The following DDX4 variants were observed in gnomAD, a reference collection of about 807,000 sequenced individuals.
DDX4 encodes DEAD-box helicase 4, also known as probable ATP-dependent RNA helicase DDX4.
Under a neutral mutation model 100.0 loss-of-function variants are expected in DDX4, and 25 were observed. The observed-to-expected ratio is 0.25, with a 90% CI of 0.18 to 0.35. DDX4 has a LOEUF of 0.35. DDX4 is among the 10% of genes least tolerant of loss of function. The probability of loss-of-function intolerance (pLI) is 1.00; values close to 1 mark genes in which losing one functional copy is unlikely to be tolerated. For missense variants in DDX4, 635 were observed against 882.4 expected, an observed-to-expected ratio of 0.72 and a Z score of 3.55; for synonymous variants, 259 against 275.7, an observed-to-expected ratio of 0.94 and a Z score of 0.60.
intron 10 of DDX4, among the ~76,000 whole-genome samples, chr5:55,784,433 T>C (rs1742119923): frequency 6.6e-6 from 1 of 152,176 alleles, no homozygotes; most frequent in Non-Finnish European, 1.5e-5. Flanking sequence ...TGCCAGTCTA[T>C]TCTAAAACAC....
intron 18 of DDX4, among the ~76,000 whole-genome samples, chr5:55,803,553 C>T (rs908700451): frequency 6.9e-6 from 1 of 143,936 alleles, no homozygotes; most frequent in African/African-American, 2.6e-5. Flanking sequence ...TCAATTCCCA[C>T]CTATGAGTGA....
chr5:55,746,495 C>T (rs1759255710), intron 3 of DDX4, among the ~76,000 whole-genome samples: 1 of 148,746 alleles, frequency 6.7e-6, no homozygotes, highest in Non-Finnish European at 1.5e-5. Context: ...GCTGCTAGGG[C>T]ATCATCATCA....
chr5:55,781,884 G>T, intron 9 of DDX4, 50 bp from the exon 10 acceptor site: 2 of 1,597,950 alleles, frequency 1.3e-6, no homozygotes, highest in South Asian at 2.2e-5. Flanking sequence ...TTGTGTGCTT[G>T]AGCAGCAGCT....
intron 18 of DDX4, among the ~76,000 whole-genome samples, chr5:55,811,545 A>G (rs1744123179): frequency 6.6e-6 from 1 of 152,200 alleles, no homozygotes; most frequent in Non-Finnish European, 1.5e-5. Context: ...TTTAAAGGTA[A>G]CACTGACCAA....
rs372545410 is a variant in DDX4 at position 55,817,028 on chromosome 5, T to G, written c.*488T>G. 1 of 152,750 alleles carries G rather than the reference T, an allele frequency of 6.5e-6. No homozygotes were observed. 9.5% of individuals were successfully genotyped at this position (152,750 alleles called of 1,614,324 possible). ...TGATTTTGATTTTTAGATCATCAGA[T>G]GTATGATGAAAATGGTTAAATGTTT... On this transcript the variant is annotated 3_prime_UTR_variant, in exon 22 of 22. Coordinates refer to ENST00000505374, the MANE Select transcript of DDX4 (RefSeq NM_024415.3).
chr5:55,764,062 G>C lies in DDX4; in HGVS notation c.332G>C (p.Arg111Thr). The C allele has an allele frequency of 6.2e-7, 1 of 1,606,110 alleles. No homozygotes were observed. Among genetic ancestry groups the C allele is most frequent in the Non-Finnish European group, 8.5e-7 (1 of 1,173,140 alleles). Residue 111 changes from arginine to threonine, a missense_variant and splice_region_variant, in exon 6 of 22, where the codon AGA becomes ACA. Physicochemically the swap from Arg to Thr is moderately conservative, Grantham distance 71 (BLOSUM62 -1). This residue lies in a region of DDX4 where 446 missense variants were observed against 540.8 expected (regional missense o/e 0.82). Coordinates refer to ENST00000505374, the MANE Select transcript of DDX4 (RefSeq NM_024415.3). ...GATGGTGATAGCTCTGGTTTCTGGAGAGGTAAGGTTGATATTTTTGTGTTT... is the reference window on the plus strand; with the variant it reads ...GATGGTGATAGCTCTGGTTTCTGGACAGGTAAGGTTGATATTTTTGTGTTT... ...FEDGDSSGFW[R>T]ESSNDCEDNP... is the part of the protein sequence containing the mutation.
intron 7 of DDX4, among the ~76,000 whole-genome samples, chr5:55,769,188 TC>T (rs1741112556): frequency 6.6e-6 from 1 of 152,178 alleles, no homozygotes; most frequent in Non-Finnish European, 1.5e-5. Context: ...CACAGAATCT[TC>T]CAGGGCCTGT....
At chr5:55,798,363 G>A (rs1743092518) in intron 17 of DDX4, 63 bp from the exon 18 acceptor site, 1 of 1,538,516 alleles carries the variant, frequency 6.5e-7, no homozygotes, top group Non-Finnish European at 8.8e-7. Flanking sequence ...CAGGAATTCA[G>A]TGGATATTAT....
At chr5:55,787,553 A>G (rs1366886965) in intron 14 of DDX4, among the ~76,000 whole-genome samples, 6 of 152,194 alleles carry the variant, frequency 3.9e-5, no homozygotes, top group Non-Finnish European at 1.5e-5. Context: ...ATATTCCTCT[A>G]TAAATATGCT....
rs192990518 is a variant in DDX4, at chr5:55,742,768, T to G, written c.70-3396T>G. ...GGTGCTGGAGAGAGAGTGGTGAATA[T>G]AAGGTGCTTGCTGTTACATTGTATT... is the stretch of plus-strand genomic sequence containing the variant. On this transcript the variant is annotated intron_variant, in intron 2 of 21. Coordinates refer to ENST00000505374, the MANE Select transcript of DDX4 (RefSeq NM_024415.3). Among the ~76,000 whole-genome samples, 10 of 152,340 alleles carry G rather than the reference T, an allele frequency of 6.6e-5. No individual in the cohort carries two copies. In the East Asian group the frequency reaches 1.9e-3, roughly 29 times the overall value.
rs199537762 is a variant in DDX4 at position 55,785,247 on chromosome 5, T to C, written c.626-50T>C. On this transcript the variant is annotated intron_variant, in intron 10 of 21. Coordinates refer to ENST00000505374, the MANE Select transcript of DDX4 (RefSeq NM_024415.3). ...AAGACAAGCAACGAAAATAAAGATG[T>C]GCACAGCCTTACATCTTGACCGATT... 17 of 1,291,000 alleles carry C rather than the reference T, an allele frequency of 1.3e-5. No homozygotes were observed. The African/African-American group carries it at 2.4e-4, about 18-fold the overall frequency. The allele number at this position is 1,291,000 out of a possible 1,614,324, so 80.0% of individuals were successfully genotyped here.
At chr5:55,809,353 G>A (rs1402644866) in intron 18 of DDX4, among the ~76,000 whole-genome samples, 1 of 152,150 alleles carries the variant, frequency 6.6e-6, no homozygotes, top group Admixed American at 6.5e-5. Flanking sequence ...TCCCCAGTGA[G>A]ATGAACCCGG....
chr5:55,746,468 G>T (rs1263574796), intron 3 of DDX4, among the ~76,000 whole-genome samples: 4 of 152,302 alleles, frequency 2.6e-5, no homozygotes, highest in African/African-American at 9.6e-5. Flanking sequence ...CTTGGAAGTT[G>T]CACATTCAGC....
chr5:55,803,951 GT>G (rs1429609931), intron 18 of DDX4, among the ~76,000 whole-genome samples: 1 of 151,906 alleles, frequency 6.6e-6, no homozygotes, highest in Non-Finnish European at 1.5e-5. Flanking sequence ...GTGTAAAAGT[GT>G]TCCTATTTCT....
intron 3 of DDX4, among the ~76,000 whole-genome samples, chr5:55,750,698 G>A (rs539579469): frequency 2.8e-4 from 43 of 152,324 alleles, no homozygotes; most frequent in African/African-American, 9.6e-4. Context: ...AGCACAGAAG[G>A]GAAGGGTGGA....
Position 55,760,235 on chromosome 5 carries a change from A to G in DDX4, c.163A>G (p.Met55Val). ...TGGACCTTCTCGAAGAGATCATTTC[A>G]TGAAAAGTGGATTTGCCTCTGGGCG... Reference protein sequence around the residue: ...DDGPSRRDHFMKSGFASGRNF... With the variant: ...DDGPSRRDHFVKSGFASGRNF... Residue 55 changes from methionine (M) to valine (V), a missense_variant, in exon 4 of 22, where the codon ATG becomes GTG. Physicochemically the swap from Met to Val is conservative, Grantham distance 21. This residue lies in a region of DDX4 where 446 missense variants were observed against 540.8 expected (regional missense o/e 0.82). Transcript: ENST00000505374. 6.4e-7 allele frequency: 1 copy of G among 1,565,698 alleles called. No individual in the cohort carries two copies. Among genetic ancestry groups the G allele is most frequent in the South Asian group, 1.2e-5 (1 of 82,108 alleles).
intron 2 of DDX4, 88 bp downstream of exon 2, chr5:55,739,120 C>G (rs1232944298): frequency 3.8e-6 from 3 of 798,754 alleles, no homozygotes; most frequent in Non-Finnish European, 4.3e-6. Flanking sequence ...ATTATACAGT[C>G]TGTGTCAGTG....
At chr5:55,809,825 T>G (rs945460405) in intron 18 of DDX4, among the ~76,000 whole-genome samples, 4 of 152,178 alleles carry the variant, frequency 2.6e-5, no homozygotes, top group African/African-American at 4.8e-5. Context: ...AGGAAAGAGG[T>G]AAGGTTAGAG....
chr5:55,744,091 A>T (rs1026665994), intron 2 of DDX4, among the ~76,000 whole-genome samples: 6 of 152,110 alleles, frequency 3.9e-5, no homozygotes, highest in African/African-American at 1.4e-4. Flanking sequence ...AAGTCATTTC[A>T]AGTATGTTGT....
Sources: gnomAD v4.1 joint callset for allele counts (sites outside exome capture counted in the v4.1 genomes callset) on GRCh38, gnomAD v4.1.1 for gene constraint, gnomAD v4.1.1 regional missense constraint, MANE v1.5 for transcripts, NCBI Gene and HGNC (gene_info 2026-07-23, HGNC 2026-07-21) for gene names.